TUT4: variants seen among roughly 807,000 people sequenced by gnomAD.
TUT4 encodes the protein terminal uridylyltransferase 4.
In TUT4, 36 loss-of-function variants were observed where a neutral mutation model predicts 192.2. The observed-to-expected ratio is 0.19, with a 90% CI of 0.14 to 0.25. The LOEUF (loss-of-function observed/expected upper bound fraction) is 0.25, where lower values mean the gene tolerates loss of function less well. Ranked by LOEUF, TUT4 falls within the 10% of genes least tolerant of loss-of-function variation. TUT4 has a pLI of 1.00. For missense variants in TUT4, 1,493 were observed against 1,957.2 expected (o/e 0.76, Z 4.47); for synonymous variants, 618 against 666.0 (o/e 0.93, Z 1.11).
intron 20 of TUT4, among the ~76,000 whole-genome samples, chr1:52,455,686 AG>A (rs1289697422): frequency 1.4e-5 from 2 of 147,508 alleles, no homozygotes; most frequent in Non-Finnish European, 3.0e-5. Context: ...GGAAGGAGGA[AG>A]GGAGGATGGA....
intron 24 of TUT4, among the ~76,000 whole-genome samples, chr1:52,443,015 G>A (rs1335500190): frequency 4.6e-5 from 7 of 152,184 alleles, no homozygotes; most frequent in South Asian, 2.1e-4. Context: ...AAGGCACAGC[G>A]GCTCACGCCT....
At position 52,446,325 on chromosome 1, in the gene TUT4, G is replaced by A; in HGVS notation, c.3631C>T (p.Gln1211Ter). The change falls in exon 22 of 30, where the codon CAG (glutamine) becomes TAG (stop). Residue 1211 changes from glutamine (Q) to a stop codon, truncating the protein, a stop_gained. Transcript: ENST00000257177. LOFTEE classifies it high-confidence loss of function. Reference protein sequence around the residue: ...DFKEYVISIRQKKLLTTFEKQ... With the variant: ...DFKEYVISIR Reference sequence around the variant, plus strand: ...TCAAAAGTTGTCAACAGCTTTTTCTGCCGAATGCTAATTACATATTCCTTG... The same window carrying A: ...TCAAAAGTTGTCAACAGCTTTTTCTACCGAATGCTAATTACATATTCCTTG... 1 of 1,613,564 alleles carries A rather than the reference G, an allele frequency of 6.2e-7. No individual in the cohort carries two copies. Among genetic ancestry groups the A allele is most frequent in the Non-Finnish European group, 8.5e-7 (1 of 1,179,836 alleles).
intron 2 of TUT4, among the ~76,000 whole-genome samples, chr1:52,517,382 T>C (rs866128878): frequency 3.9e-5 from 6 of 152,208 alleles, no homozygotes; most frequent in Non-Finnish European, 5.9e-5. Context: ...AAAAAAGAAA[T>C]GCTCATAGAT....
chr1:52,459,186 T>C (rs1450034918), intron 19 of TUT4, among the ~76,000 whole-genome samples: 6 of 151,670 alleles, frequency 4.0e-5, no homozygotes, highest in Non-Finnish European at 7.4e-5. Flanking sequence ...CTCGGGAGGC[T>C]GAGGCAGGAG....
intron 1 of TUT4, among the ~76,000 whole-genome samples, chr1:52,551,524 A>G (rs1571605283): frequency 6.6e-6 from 1 of 152,256 alleles, no homozygotes; most frequent in South Asian, 2.1e-4. Flanking sequence ...ATTTGTTTAT[A>G]AAAGCAACAT....
intron 2 of TUT4, 50 bp from the exon 3 acceptor site, chr1:52,516,104 A>G: frequency 2.1e-6 from 3 of 1,432,508 alleles, no homozygotes; most frequent in Non-Finnish European, 2.9e-6. Context: ...GTAAATTTTT[A>G]AATTTTTTAA....
chr1:52,465,299 G>A, intron 15 of TUT4, 126 bp from the exon 16 acceptor site: 1 of 625,004 alleles, frequency 1.6e-6, no homozygotes, highest in Non-Finnish European at 2.6e-6. Context: ...CCTACCACTG[G>A]AAGAAATACT....
chr1:52,490,997 C>G (rs1222695354), intron 7 of TUT4, among the ~76,000 whole-genome samples, 196 bp from the exon 8 acceptor site: 2 of 152,130 alleles, frequency 1.3e-5, no homozygotes, highest in African/African-American at 4.8e-5. Context: ...TCACAAACCA[C>G]AGGTACAGCC....
chr1:52,538,313 C>T (rs1241229587), intron 1 of TUT4, among the ~76,000 whole-genome samples: 1 of 152,026 alleles, frequency 6.6e-6, no homozygotes, highest in Admixed American at 6.6e-5. Context: ...TACATTCTAT[C>T]CCCAATGGGC....
Position 52,472,082 on chromosome 1 carries a change from G to A in TUT4, c.2748C>T (p.Ser916=). The A allele has an allele frequency of 6.2e-7, 1 of 1,613,580 alleles. No homozygotes were observed. The highest frequency in any genetic ancestry group is 8.5e-7 in the Non-Finnish European group (1 of 1,179,804). Residue 916 remains serine, a synonymous_variant, in exon 14 of 30, where the codon AGC becomes AGT. Transcript: ENST00000257177. ...TSGKPPTIVC[S]ICKKDGHSKN... ...TTGAATGGCCATCCTTTTTGCAGAT[G>A]CTGCATACTATCGTTGGTGGCTACA...
Position 52,446,309 on chromosome 1 carries a change from G to A in TUT4, c.3647C>T (p.Thr1216Ile). ...VISIRQKKLLTTFEKQWTSKC... is the reference protein window; with the variant it reads ...VISIRQKKLLITFEKQWTSKC... ...GGAAGTCCACTGCTTCTCAAAAGTT[G>A]TCAACAGCTTTTTCTGCCGAATGCT... The change falls in exon 22 of 30, where the codon ACA becomes ATA. Residue 1216 changes from threonine to isoleucine, a missense_variant. By Grantham distance (89) the Thr-to-Ile change is moderately conservative. Around this residue, in one of 7 missense-constraint regions of TUT4, gnomAD observed 141 missense variants for 382.7 expected, o/e 0.37. Coordinates refer to ENST00000257177, the MANE Select transcript of TUT4 (RefSeq NM_001009881.3). 1 of 1,613,518 alleles carries A rather than the reference G, an allele frequency of 6.2e-7. No homozygotes were observed. Among genetic ancestry groups the A allele is most frequent in the Non-Finnish European group, 8.5e-7 (1 of 1,179,770 alleles).
chr1:52,435,903 C>G (rs893556702), intron 26 of TUT4, among the ~76,000 whole-genome samples: 88 of 152,084 alleles, frequency 5.8e-4, no homozygotes, highest in African/African-American at 9.9e-4. Flanking sequence ...GAGTCTGTCT[C>G]TCTCTATGTC....
intron 3 of TUT4, chr1:52,514,763 T>C (rs1678246801): frequency 6.6e-6 from 1 of 151,554 alleles, no homozygotes; most frequent in Non-Finnish European, 1.5e-5. Flanking sequence ...TGTTTGTCAA[T>C]AGTTTTATTT....
chr1:52,424,228 A>G (rs1251128375), intron 29 of TUT4: 4 of 515,760 alleles, frequency 7.8e-6, no homozygotes, highest in Non-Finnish European at 1.4e-5. Context: ...GAGGAATCAA[A>G]GGGAAAAAAC....
chr1:52,543,156 T>C (rs1433909842), intron 1 of TUT4, among the ~76,000 whole-genome samples: 1 of 152,144 alleles, frequency 6.6e-6, no homozygotes, highest in African/African-American at 2.4e-5. Context: ...GAAGTAAAAT[T>C]ATCTCAGTTT....
chr1:52,501,850 A>C (rs1674184760), intron 4 of TUT4, among the ~76,000 whole-genome samples: 1 of 152,186 alleles, frequency 6.6e-6, no homozygotes, highest in African/African-American at 2.4e-5. Context: ...AATAACACTA[A>C]AGGATAAATA....
At chr1:52,514,424 G>A (rs1001617894) in intron 3 of TUT4, among the ~76,000 whole-genome samples, 3 of 152,196 alleles carry the variant, frequency 2.0e-5, no homozygotes, top group African/African-American at 7.2e-5. Context: ...CTGGGCAACA[G>A]AGCGAGACTC....
intron 1 of TUT4, among the ~76,000 whole-genome samples, chr1:52,552,432 C>G (rs763818694): frequency 6.6e-6 from 1 of 152,190 alleles, no homozygotes; most frequent in Non-Finnish European, 1.5e-5. Flanking sequence ...CTTCTCCCTA[C>G]AAGGACGAGC....
intron 1 of TUT4, among the ~76,000 whole-genome samples, chr1:52,543,612 T>C (rs1329082933): frequency 6.6e-6 from 1 of 151,438 alleles, no homozygotes; most frequent in African/African-American, 2.4e-5. Context: ...GCCTCCTGAG[T>C]AGCTGGGATT....
Sources: gnomAD v4.1 joint callset for allele counts (sites outside exome capture counted in the v4.1 genomes callset) on GRCh38, gnomAD v4.1.1 for gene constraint, gnomAD v4.1.1 regional missense constraint, MANE v1.5 for transcripts, NCBI Gene and HGNC (gene_info 2026-07-23, HGNC 2026-07-21) for gene names.